The following PPP3CA variants were observed in gnomAD, a reference collection of about 807,000 sequenced individuals.
PPP3CA encodes CAM-PRP catalytic subunit.
PPP3CA carries 14 observed loss-of-function variants against 66.5 expected under a neutral mutation model. The ratio of observed to expected loss-of-function variants is 0.21; its 90% CI spans 0.14 to 0.33. The LOEUF is 0.33. PPP3CA is among the 10% of genes least tolerant of loss of function. The pLI is 1.00. For synonymous variants in PPP3CA, 232 were observed against 226.2 expected (o/e 1.03, Z -0.23); for missense variants, 317 against 639.5 (o/e 0.50, Z 5.44).
intron 1 of PPP3CA, among the ~76,000 whole-genome samples, chr4:101,307,066 C>G (rs907691358): frequency 6.8e-6 from 1 of 147,412 alleles, no homozygotes; most frequent in Non-Finnish European, 1.5e-5. Context: ...ACAGCTCTAT[C>G]AAAACACCAA....
At chr4:101,110,036 C>T (rs1721618243) in intron 2 of PPP3CA, among the ~76,000 whole-genome samples, 2 of 152,086 alleles carry the variant, frequency 1.3e-5, no homozygotes, top group Non-Finnish European at 2.9e-5. Context: ...CAAAGCTTTT[C>T]CTGTCAGCCA....
At chr4:101,244,388 T>C (rs187125022) in intron 1 of PPP3CA, among the ~76,000 whole-genome samples, 35 of 152,284 alleles carry the variant, frequency 2.3e-4, no homozygotes, top group Admixed American at 1.2e-3. Context: ...AGGGAGGTTA[T>C]ATAATTAACC....
At chr4:101,220,995 T>C (rs1007291845) in intron 1 of PPP3CA, among the ~76,000 whole-genome samples, 7 of 151,856 alleles carry the variant, frequency 4.6e-5, no homozygotes, top group South Asian at 2.1e-4. Context: ...TTCCAGTGAA[T>C]AGAATTTTTA....
intron 2 of PPP3CA, among the ~76,000 whole-genome samples, chr4:101,118,490 G>T (rs539990705): frequency 7.6e-6 from 1 of 131,814 alleles, no homozygotes; most frequent in African/African-American, 3.2e-5. Context: ...ACAAGGGTTT[G>T]CTATTACTCT....
chr4:101,321,834 GT>G (rs1255598598), intron 1 of PPP3CA, among the ~76,000 whole-genome samples: 1 of 152,152 alleles, frequency 6.6e-6, no homozygotes, highest in Non-Finnish European at 1.5e-5. Context: ...CAAGAGAAAG[GT>G]GTTTTTAATA....
chr4:101,340,608 C>T (rs868315155), intron 1 of PPP3CA, among the ~76,000 whole-genome samples: 1 of 151,938 alleles, frequency 6.6e-6, no homozygotes, highest in African/African-American at 2.4e-5. Context: ...TTGATGGATT[C>T]ATATAAAAGA....
chr4:101,332,245 C>T (rs1315815047), intron 1 of PPP3CA, among the ~76,000 whole-genome samples: 1 of 152,136 alleles, frequency 6.6e-6, no homozygotes, highest in Admixed American at 6.5e-5. Flanking sequence ...GTTTCAAATA[C>T]AGATGTGCCA....
chr4:101,250,829 A>C (rs17031015), intron 1 of PPP3CA, among the ~76,000 whole-genome samples: 1,946 of 152,202 alleles, frequency 0.013, 33 homozygotes, highest in African/African-American at 0.043. Context: ...TAAATATAAT[A>C]GATTGCTAAC....
chr4:101,207,549 C>T (rs2110201677), intron 1 of PPP3CA, among the ~76,000 whole-genome samples: 1 of 152,296 alleles, frequency 6.6e-6, no homozygotes, highest in East Asian at 1.9e-4. Context: ...AAAAACTAGG[C>T]TGGGCACAGT....
intron 2 of PPP3CA, among the ~76,000 whole-genome samples, chr4:101,182,060 C>T (rs1422159312): frequency 1.3e-5 from 2 of 152,128 alleles, no homozygotes; most frequent in South Asian, 2.1e-4. Flanking sequence ...AATTGGAAAG[C>T]AGCCTTAATT....
At chr4:101,082,604 T>C (rs1729487122) in intron 7 of PPP3CA, among the ~76,000 whole-genome samples, 1 of 152,208 alleles carries the variant, frequency 6.6e-6, no homozygotes, top group Admixed American at 6.5e-5. Flanking sequence ...TCCAAAATTG[T>C]TCTACATCTT....
intron 10 of PPP3CA, among the ~76,000 whole-genome samples, chr4:101,058,759 G>A (rs757629654): frequency 6.6e-5 from 10 of 152,110 alleles, no homozygotes; most frequent in Non-Finnish European, 1.3e-4. Flanking sequence ...GTAAGCACAG[G>A]GTTAGTCTTG....
intron 2 of PPP3CA, among the ~76,000 whole-genome samples, chr4:101,120,150 A>G (rs1437581253): frequency 6.6e-6 from 1 of 152,140 alleles, no homozygotes; most frequent in African/African-American, 2.4e-5. Context: ...ATTCCCTTAC[A>G]TATCTTTCAC....
intron 10 of PPP3CA, among the ~76,000 whole-genome samples, chr4:101,058,277 A>G (rs1728311204): frequency 6.6e-6 from 1 of 152,190 alleles, no homozygotes; most frequent in Non-Finnish European, 1.5e-5. Flanking sequence ...TTGAAAACAC[A>G]AATCTTATTG....
intron 1 of PPP3CA, among the ~76,000 whole-genome samples, chr4:101,335,569 G>A (rs1375743417): frequency 6.6e-6 from 1 of 152,128 alleles, no homozygotes; most frequent in Admixed American, 6.5e-5. Context: ...TTATAGACCA[G>A]ATTAGGCGTT....
intron 1 of PPP3CA, among the ~76,000 whole-genome samples, chr4:101,343,044 A>G (rs1277363236): frequency 6.6e-6 from 1 of 152,152 alleles, no homozygotes; most frequent in African/African-American, 2.4e-5. Context: ...TCTATGGCCA[A>G]AAGCAACCTT....
chr4:101,240,141 G>A (rs1412446495), intron 1 of PPP3CA, among the ~76,000 whole-genome samples: 1 of 151,910 alleles, frequency 6.6e-6, no homozygotes, highest in Non-Finnish European at 1.5e-5. Flanking sequence ...CTTAGGTTCA[G>A]AAATACAGCA....
At chr4:101,325,735 A>T (rs1729187188) in intron 1 of PPP3CA, among the ~76,000 whole-genome samples, 1 of 152,196 alleles carries the variant, frequency 6.6e-6, no homozygotes, top group Non-Finnish European at 1.5e-5. Context: ...TACTGCTCAC[A>T]GTCTTCATAT....
chr4:101,245,251 G>A (rs1023606050), intron 1 of PPP3CA, among the ~76,000 whole-genome samples: 3 of 152,038 alleles, frequency 2.0e-5, no homozygotes, highest in Non-Finnish European at 2.9e-5. Context: ...TGTTTAATTC[G>A]CCATCTTCTC....
Sources: allele counts gnomAD v4.1 joint callset (sites outside exome capture counted in the v4.1 genomes callset), GRCh38; gene constraint gnomAD v4.1.1; transcripts MANE v1.5; gene names NCBI Gene and HGNC (gene_info 2026-07-23, HGNC 2026-07-21).